MDM4: variants seen among roughly 807,000 people sequenced by gnomAD.
MDM4 encodes the protein MDM4 regulator of p53, also known as protein Mdm4.
MDM4 carries 2 observed loss-of-function variants against 60.2 expected under a neutral mutation model. The observed-to-expected ratio is 0.03, with a 90% CI of 0.01 to 0.10. The LOEUF is 0.10. Ranked by LOEUF, MDM4 falls within the 10% of genes least tolerant of loss-of-function variation. The pLI, the probability that MDM4 is intolerant of heterozygous loss-of-function variation, is 1.00. For missense variants in MDM4, 447 were observed against 577.5 expected, an observed-to-expected ratio of 0.77 and a Z score of 2.32; for synonymous variants, 202 against 198.1, an observed-to-expected ratio of 1.02 and a Z score of -0.17.
At chr1:204,532,404 A>G (rs1260374512) in intron 5 of MDM4, 158 bp downstream of exon 5, 1 of 592,804 alleles carries the variant, frequency 1.7e-6, no homozygotes, top group Non-Finnish European at 3.0e-6. Flanking sequence ...TATGTTATTA[A>G]CTTTTTACTG....
chr1:204,537,524 T>G lies in MDM4; in HGVS notation c.411+27T>G, dbSNP rs192756840. On this transcript the variant is annotated intron_variant, in intron 6 of 10. Coordinates refer to ENST00000367182, the MANE Select transcript of MDM4 (RefSeq NM_002393.5). The stretch of plus-strand genomic sequence containing the variant: ...TAAAATCACCACACGGTGACTTCTT[T>G]TGTTGTACAGAGTGGCCCCTTCTCT... 4 of 1,555,368 alleles carry G rather than the reference T, an allele frequency of 2.6e-6. No individual in the cohort carries two copies. The South Asian group carries it at 3.3e-5, about 13-fold the overall frequency.
In MDM4 at chr1:204,550,862, C is replaced by T. The variant is rs1663137174; in HGVS notation, c.*1180C>T. ...AGATATTTTTATGAAAGCCCTGGGACTATAGATTTAGCTGATTAAATTTAT... is the reference window on the plus strand; with the variant it reads ...AGATATTTTTATGAAAGCCCTGGGATTATAGATTTAGCTGATTAAATTTAT... On this transcript the variant is annotated 3_prime_UTR_variant, in exon 11 of 11. Coordinates refer to ENST00000367182, the MANE Select transcript of MDM4 (RefSeq NM_002393.5). 1 of 178,860 alleles carries T rather than the reference C, an allele frequency of 5.6e-6. No homozygotes were observed. The highest frequency in any genetic ancestry group is 2.4e-5 in the African/African-American group (1 of 42,282). The allele number at this position is 178,860 out of a possible 1,614,324, so 11.1% of individuals were successfully genotyped here.
At chr1:204,538,059 C>G in intron 6 of MDM4, 150 bp from the exon 7 acceptor site, 1 of 769,212 alleles carries the variant, frequency 1.3e-6, no homozygotes, top group Non-Finnish European at 2.4e-6. Flanking sequence ...GAGGTGTTGC[C>G]TTTATTTGAT....
At position 204,542,796 on chromosome 1, in the gene MDM4, T is replaced by C. The variant is rs4252716; in HGVS notation, c.524T>C (p.Ile175Thr). ...TTGACTTCTATAGATGAAGACTTAATTGAAAATTTAGCCCAAGATGAAACA... is the reference window on the plus strand; with the variant it reads ...TTGACTTCTATAGATGAAGACTTAACTGAAAATTTAGCCCAAGATGAAACA... ...CIHSREDEDL[I>T]ENLAQDETSR... The change falls in exon 8 of 11, where the codon ATT (isoleucine) becomes ACT (threonine). Residue 175 changes from isoleucine to threonine, a missense_variant. Ile to Thr is a moderately conservative substitution (Grantham distance 89). Around this residue, in one of 8 missense-constraint regions of MDM4, gnomAD observed 184 missense variants for 179.3 expected, o/e 1.03. Coordinates refer to ENST00000367182, the MANE Select transcript of MDM4 (RefSeq NM_002393.5). 5,655 of 1,611,520 alleles carry C rather than the reference T, an allele frequency of 3.5e-3. 255 individuals are homozygous for C. In the Admixed American group the frequency reaches 0.084, roughly 24 times the overall value.
rs1663311886 is a variant in MDM4, at chr1:204,552,729, T to C, written c.*3047T>C. 1.1e-5 allele frequency: 2 copies of C among 184,146 alleles called. No individual in the cohort carries two copies. The highest frequency in any genetic ancestry group is 3.9e-4 in the South Asian group (2 of 5,110). 11.4% of individuals were successfully genotyped at this position (184,146 alleles called of 1,614,324 possible). A position where few individuals can be genotyped will look rare whatever the true frequency, so the allele number is the denominator to read the frequency against. ...TGCCCATGAAAGAATCCTCTTAGGC[T>C]GCTCAGCTTCACTCTTCCTGCTTGC... On this transcript the variant is annotated 3_prime_UTR_variant, in exon 11 of 11. Coordinates refer to ENST00000367182, the MANE Select transcript of MDM4 (RefSeq NM_002393.5).
intron 1 of MDM4, among the ~76,000 whole-genome samples, chr1:204,520,646 T>G (rs188294780): frequency 3.9e-4 from 59 of 152,130 alleles, no homozygotes; most frequent in Admixed American, 9.2e-4. Context: ...ACACTTTCGT[T>G]GAGAGAATCA....
At chr1:204,533,322 A>G (rs1469675376) in intron 5 of MDM4, among the ~76,000 whole-genome samples, 1 of 152,194 alleles carries the variant, frequency 6.6e-6, no homozygotes, top group Non-Finnish European at 1.5e-5. Context: ...TGAGCTTCAT[A>G]TTAACATTGC....
chr1:204,545,320 G>A (rs1662550497), intron 9 of MDM4, among the ~76,000 whole-genome samples: 1 of 152,118 alleles, frequency 6.6e-6, no homozygotes, highest in African/African-American at 2.4e-5. Context: ...AGAAAAGAGG[G>A]GAGATTGAAC....
intron 1 of MDM4, among the ~76,000 whole-genome samples, chr1:204,518,589 G>C (rs931325185): frequency 6.6e-6 from 1 of 152,184 alleles, no homozygotes; most frequent in Non-Finnish European, 1.5e-5. Context: ...GTAGTATATG[G>C]TGTGTGAATG....
intron 3 of MDM4, among the ~76,000 whole-genome samples, chr1:204,527,222 G>A (rs1572464264): frequency 6.6e-6 from 1 of 152,008 alleles, no homozygotes; most frequent in East Asian, 1.9e-4. Flanking sequence ...TGGGAGGATC[G>A]CTTGAACCCA....
chr1:204,533,526 T>C (rs1229673294), intron 5 of MDM4, among the ~76,000 whole-genome samples: 1 of 152,026 alleles, frequency 6.6e-6, no homozygotes, highest in African/African-American at 2.4e-5. Flanking sequence ...CTGGCTAATT[T>C]TTTGTATTTT....
chr1:204,540,608 C>G (rs2102409094), intron 7 of MDM4, among the ~76,000 whole-genome samples: 1 of 151,260 alleles, frequency 6.6e-6, no homozygotes. Context: ...ATTAAAAATA[C>G]AAAAATTAGC....
rs1012385234 is a variant in MDM4 at position 204,557,314 on chromosome 1, T to A, written c.*7632T>A. On this transcript the variant is annotated 3_prime_UTR_variant, in exon 11 of 11. Transcript: ENST00000367182. ...ATGAGGCTCTTGACCAGAAAAGAGT[T>A]CTTTCTCTAGGTGTTCTGAGAGAAG... 1 of 187,942 alleles carries A rather than the reference T, an allele frequency of 5.3e-6. No homozygotes were observed. The allele number at this position is 187,942 out of a possible 1,614,324, so 11.6% of individuals were successfully genotyped here. A position where few individuals can be genotyped will look rare whatever the true frequency, so the allele number is the denominator to read the frequency against.
In MDM4 at chr1:204,557,099, A is replaced by G. The variant is rs1022694911; in HGVS notation, c.*7417A>G. 3.0e-5 allele frequency: 6 copies of G among 198,082 alleles called. No homozygotes were observed. Among genetic ancestry groups the G allele is most frequent in the African/African-American group, 9.2e-5 (4 of 43,370 alleles). 12.3% of individuals were successfully genotyped at this position (198,082 alleles called of 1,614,324 possible). A position where few individuals can be genotyped will look rare whatever the true frequency, so the allele number is the denominator to read the frequency against. On this transcript the variant is annotated 3_prime_UTR_variant, in exon 11 of 11. Transcript: ENST00000367182. Reference sequence around the variant, plus strand: ...ATCCGGGAGAGCAATTCTGAAGCCTATAAATTTCCTTGAAGAGATCTAAGA... The same window carrying G: ...ATCCGGGAGAGCAATTCTGAAGCCTGTAAATTTCCTTGAAGAGATCTAAGA...
chr1:204,532,500 T>A (rs1046430184), intron 5 of MDM4: 3 of 554,856 alleles, frequency 5.4e-6, no homozygotes, highest in Non-Finnish European at 9.4e-6. Context: ...GACACACTTT[T>A]AAAAATCTCT....
chr1:204,545,070 T>G (rs185376401), intron 9 of MDM4, among the ~76,000 whole-genome samples: 6 of 152,234 alleles, frequency 3.9e-5, no homozygotes, highest in Admixed American at 3.3e-4. Flanking sequence ...TTCTTGCGAT[T>G]TTTTTTCTCC....
intron 9 of MDM4, among the ~76,000 whole-genome samples, chr1:204,545,389 A>G (rs1425772834): frequency 6.6e-6 from 1 of 152,248 alleles, no homozygotes; most frequent in Non-Finnish European, 1.5e-5. Flanking sequence ...GTATGTACTC[A>G]TGTACAGATG....
At chr1:204,540,538 G>A (rs138610943) in intron 7 of MDM4, among the ~76,000 whole-genome samples, 24 of 151,908 alleles carry the variant, frequency 1.6e-4, no homozygotes, top group African/African-American at 5.3e-4. Flanking sequence ...TGAGGCAGGC[G>A]GATCACCTGA....
Position 204,552,672 on chromosome 1 carries a change from A to G in MDM4, c.*2990A>G, listed in dbSNP as rs1201896037. On this transcript the variant is annotated 3_prime_UTR_variant, in exon 11 of 11. Coordinates refer to ENST00000367182, the MANE Select transcript of MDM4 (RefSeq NM_002393.5). Reference sequence around the variant, plus strand: ...AGAAGTAAACATTTTACTTATGTTTATAGGTATTTGATCCTAAATTTGACA... The same window carrying G: ...AGAAGTAAACATTTTACTTATGTTTGTAGGTATTTGATCCTAAATTTGACA... The G allele has an allele frequency of 2.2e-5, 4 of 178,090 alleles. No homozygotes were observed. The highest frequency in any genetic ancestry group is 9.5e-5 in the African/African-American group (4 of 42,242). 11.0% of individuals were successfully genotyped at this position (178,090 alleles called of 1,614,324 possible). A position where few individuals can be genotyped will look rare whatever the true frequency, so the allele number is the denominator to read the frequency against.
Sources: allele counts gnomAD v4.1 joint callset (sites outside exome capture counted in the v4.1 genomes callset), GRCh38; gene constraint gnomAD v4.1.1; regional missense constraint gnomAD v4.1.1; transcripts MANE v1.5; gene names NCBI Gene and HGNC (gene_info 2026-07-23, HGNC 2026-07-21).